The following LAMP1 variants were observed in gnomAD, a reference collection of about 807,000 sequenced individuals.
LAMP1 encodes lysosome associated membrane protein 1.
A neutral mutation model predicts 37.5 loss-of-function variants in LAMP1; 7 were observed. The ratio of observed to expected loss-of-function variants is 0.19; its 90% CI spans 0.11 to 0.35. LAMP1 has a LOEUF of 0.35. Among genes scored for constraint, LAMP1 ranks in the 10% least tolerant of loss-of-function variants. The probability of loss-of-function intolerance (pLI) is 1.00; values close to 1 mark genes in which losing one functional copy is unlikely to be tolerated. For missense variants in LAMP1, 537 were observed against 552.8 expected (o/e 0.97, Z 0.29); for synonymous variants, 236 against 229.1 (o/e 1.03, Z -0.27).
intron 4 of LAMP1, among the ~76,000 whole-genome samples, chr13:113,315,382 CTTTTTTTTT>C (rs1158608278): frequency 8.3e-5 from 5 of 60,434 alleles, no homozygotes; most frequent in East Asian, 6.1e-4. Flanking sequence ...TGTATCTTGT[CTTTTTTTTT>C]TTTTTTTTTT....
chr13:113,307,218 T>TA (rs1056938339), intron 2 of LAMP1, among the ~76,000 whole-genome samples: 32 of 147,836 alleles, frequency 2.2e-4, no homozygotes, highest in African/African-American at 7.9e-4. Flanking sequence ...AGTGCAGTGG[T>TA]ACGATCTGAG....
intron 1 of LAMP1, among the ~76,000 whole-genome samples, chr13:113,302,451 A>C (rs1351900184): frequency 6.6e-6 from 1 of 152,196 alleles, no homozygotes; most frequent in Non-Finnish European, 1.5e-5. Context: ...CAGCCTCCCA[A>C]AGTGCTGGGA....
intron 5 of LAMP1, among the ~76,000 whole-genome samples, 194 bp downstream of exon 5, chr13:113,319,850 G>A (rs917051568): frequency 8.5e-5 from 13 of 152,364 alleles, no homozygotes; most frequent in South Asian, 4.1e-4. Context: ...GATCACAGCC[G>A]TCCTGCTGGT....
In LAMP1 at chr13:113,320,537, G is replaced by A. The variant is rs2042692629; in HGVS notation, c.876+67G>A. ...CTCCACCACATCTTTTTGTGCCCTG[G>A]GTCTGCTCATGGGAGGCAGCGTTAG... On this transcript the variant is annotated intron_variant, in intron 6 of 8. Transcript: ENST00000332556. This position sits in a 1 kb window ranked among gnomAD's most constrained non-coding sequence, Gnocchi z 4.4. The A allele has an allele frequency of 6.4e-7, 1 of 1,561,740 alleles. No homozygotes were observed. Among genetic ancestry groups the A allele is most frequent in the Non-Finnish European group, 8.7e-7 (1 of 1,150,950 alleles).
chr13:113,314,212 C>T (rs533068791), intron 4 of LAMP1, among the ~76,000 whole-genome samples: 1 of 118,294 alleles, frequency 8.5e-6, no homozygotes, highest in East Asian at 3.0e-4. Flanking sequence ...GTGCCTGGGG[C>T]GTGGCCTCCT....
chr13:113,314,937 C>A (rs2042652742), intron 4 of LAMP1, among the ~76,000 whole-genome samples: 2 of 119,032 alleles, frequency 1.7e-5, no homozygotes, highest in Non-Finnish European at 3.4e-5. Flanking sequence ...TGGGGCATGG[C>A]CTCCTGGAGG....
chr13:113,321,318 T>C lies in LAMP1; in HGVS notation c.877-86T>C. 2 of 1,089,866 alleles carry C rather than the reference T, an allele frequency of 1.8e-6. No individual in the cohort carries two copies. The highest frequency in any genetic ancestry group is 2.5e-5 in the South Asian group (2 of 80,102). The allele number at this position is 1,089,866 out of a possible 1,614,324, so 67.5% of individuals were successfully genotyped here. A position where few individuals can be genotyped will look rare whatever the true frequency, so the allele number is the denominator to read the frequency against. On this transcript the variant is annotated intron_variant, in intron 6 of 8. Transcript: ENST00000332556. This position sits in a 1 kb window ranked among gnomAD's most constrained non-coding sequence, Gnocchi z 5.6. ...TTATTACCCAATGACCATTCACGTTTGATGATAAATGTGTGAATCTACTGG... is the reference window on the plus strand; with the variant it reads ...TTATTACCCAATGACCATTCACGTTCGATGATAAATGTGTGAATCTACTGG...
At chr13:113,301,642 A>T (rs923225035) in intron 1 of LAMP1, among the ~76,000 whole-genome samples, 9 of 37,484 alleles carry the variant, frequency 2.4e-4, no homozygotes, top group African/African-American at 1.3e-3. Flanking sequence ...AAAAAAAAAA[A>T]AAATATATAT....
intron 5 of LAMP1, among the ~76,000 whole-genome samples, chr13:113,319,866 C>T (rs918174731): frequency 3.9e-5 from 6 of 152,264 alleles, no homozygotes; most frequent in African/African-American, 1.4e-4. Context: ...CTGGTTCCAT[C>T]ATCCAAGGCT....
At chr13:113,315,207 G>C (rs1411737868) in intron 4 of LAMP1, among the ~76,000 whole-genome samples, 1 of 145,550 alleles carries the variant, frequency 6.9e-6, no homozygotes, top group Non-Finnish European at 1.5e-5. Context: ...GGAGATGCCC[G>C]TGTGCCTGGG....
In LAMP1 at chr13:113,297,273, C is replaced by A. The variant is rs1173340808; in HGVS notation, c.-162C>A. The A allele has an allele frequency of 5.8e-6, 1 of 171,586 alleles. No homozygotes were observed. Among genetic ancestry groups the A allele is most frequent in the East Asian group, 1.7e-4 (1 of 5,734 alleles). 10.6% of individuals were successfully genotyped at this position (171,586 alleles called of 1,614,324 possible). ...GCGCTGCCGGCCGCGGTGTCTTCTT[C>A]GTGCCGGCGTCGCAGTGGCCGGGCC... is the stretch of plus-strand genomic sequence containing the variant. On this transcript the variant is annotated 5_prime_UTR_variant, in exon 1 of 9. Transcript: ENST00000332556. The surrounding 1 kb of genome is among the most constrained non-coding windows in gnomAD (Gnocchi z 4.4).
chr13:113,309,413 T>C (rs1490409731), intron 2 of LAMP1, among the ~76,000 whole-genome samples: 6 of 152,200 alleles, frequency 3.9e-5, no homozygotes, highest in Non-Finnish European at 7.3e-5. Context: ...AAATTTTTGA[T>C]TATATGAATT....
chr13:113,319,682 A>G, intron 5 of LAMP1, 26 bp downstream of exon 5: 3 of 1,598,690 alleles, frequency 1.9e-6, no homozygotes, highest in Non-Finnish European at 2.6e-6. Flanking sequence ...CACCTGGGAG[A>G]GGGGGACGGC....
intron 8 of LAMP1, 198 bp from the exon 9 acceptor site, chr13:113,322,084 C>T (rs939232724): frequency 3.6e-5 from 22 of 616,240 alleles, no homozygotes; most frequent in East Asian, 1.4e-4. Context: ...GGGGGAGAGA[C>T]GTGTGTGGTT....
At chr13:113,301,495 C>A (rs1227055664) in intron 1 of LAMP1, among the ~76,000 whole-genome samples, 1 of 151,514 alleles carries the variant, frequency 6.6e-6, no homozygotes, top group Non-Finnish European at 1.5e-5. Context: ...TGGTGGCGTA[C>A]CCCTGTAGTC....
At chr13:113,302,751 C>G (rs902287400) in intron 1 of LAMP1, among the ~76,000 whole-genome samples, 1 of 152,094 alleles carries the variant, frequency 6.6e-6, no homozygotes, top group African/African-American at 2.4e-5. Flanking sequence ...ATTGGAAGCC[C>G]GTTCCCTCAG....
intron 3 of LAMP1, among the ~76,000 whole-genome samples, chr13:113,310,324 G>A (rs545368576): frequency 2.6e-5 from 4 of 152,126 alleles, no homozygotes; most frequent in South Asian, 2.1e-4. Context: ...TCAGGAGTTC[G>A]AGACCAGCCT....
At position 113,322,403 on chromosome 13, in the gene LAMP1, A is replaced by G; in HGVS notation, c.1236A>G (p.Ala412=). ...TCGTCGGCAGGAAGAGGAGTCACGCAGGCTACCAGACTATCTAGCCTGGTG... is the reference window on the plus strand; with the variant it reads ...TCGTCGGCAGGAAGAGGAGTCACGCGGGCTACCAGACTATCTAGCCTGGTG... ...AYLVGRKRSH[A]GYQTI The change falls in exon 9 of 9, where the codon GCA becomes GCG. Residue 412 remains alanine (A), a synonymous_variant. Transcript: ENST00000332556. 4 of 1,613,336 alleles carry G rather than the reference A, an allele frequency of 2.5e-6. No individual in the cohort carries two copies. In the South Asian group the frequency reaches 3.3e-5, roughly 13 times the overall value.
chr13:113,309,921 A>AACCT lies in LAMP1; in HGVS notation c.403+60_403+61insCCTA, dbSNP rs1489538743. ...AGAAAATTGGGTTGGAGGATTGTCT[A>AACCT]AAGTTACTTTTACCTAAGAAGTACA... On this transcript the variant is annotated intron_variant, in intron 3 of 8. Transcript: ENST00000332556. 7 of 1,399,796 alleles carry AACCT rather than the reference A, an allele frequency of 5.0e-6. No individual in the cohort carries two copies. In the African/African-American group the frequency reaches 9.9e-5, roughly 20 times the overall value. 86.7% of individuals were successfully genotyped at this position (1,399,796 alleles called of 1,614,324 possible).
Sources: gnomAD v4.1 joint callset for allele counts (sites outside exome capture counted in the v4.1 genomes callset) on GRCh38, gnomAD v4.1.1 for gene constraint, Gnocchi (gnomAD v3.1) non-coding constraint, MANE v1.5 for transcripts, NCBI Gene and HGNC (gene_info 2026-07-23, HGNC 2026-07-21) for gene names.